Variants in ATP10B observed in about 807,000 individuals in gnomAD.
ATP10B encodes phospholipid-transporting ATPase VB.
A neutral mutation model predicts 141.2 loss-of-function variants in ATP10B; 122 were observed. That is an observed-to-expected ratio of 0.86 (90% CI 0.75 to 1.00). The LOEUF (loss-of-function observed/expected upper bound fraction) is 1.00. Ranked by LOEUF, ATP10B falls within the 50% of genes least tolerant of loss-of-function variation. The pLI is 0.00. For synonymous variants in ATP10B, 685 were observed against 692.0 expected, an observed-to-expected ratio of 0.99 and a Z score of 0.16; for missense variants, 1,876 against 1,825.3, an observed-to-expected ratio of 1.03 and a Z score of -0.51.
intron 10 of ATP10B, among the ~76,000 whole-genome samples, chr5:160,638,422 A>C (rs1218215740): frequency 6.6e-6 from 1 of 152,144 alleles, no homozygotes; most frequent in East Asian, 1.9e-4. Context: ...CTGAAGCAGA[A>C]ACAACAGTTC....
At chr5:160,694,160 T>C (rs190148690) in intron 3 of ATP10B, among the ~76,000 whole-genome samples, 1 of 152,306 alleles carries the variant, frequency 6.6e-6, no homozygotes, top group African/African-American at 2.4e-5. Context: ...GAGGCAGCTC[T>C]TTGACCCACT....
Position 160,748,698 on chromosome 5 carries a change from T to TC in ATP10B, c.-330-31665dup, listed in dbSNP as rs1767964737. 2.0e-5 allele frequency among the ~76,000 whole-genome samples: 3 copies of TC among 152,202 alleles called. No homozygotes were observed. The East Asian group carries it at 5.8e-4, about 29-fold the overall frequency. Reference sequence around the variant, plus strand: ...GCTAGAGTCACAGGCAGGATTTTTTTCCAATCCTCTGTGATGTTAATTGGT... The same window carrying TC: ...GCTAGAGTCACAGGCAGGATTTTTTTCCCAATCCTCTGTGATGTTAATTGGT... On this transcript the variant is annotated intron_variant, in intron 2 of 25. Transcript: ENST00000327245.
the ATP10B span, among the ~76,000 whole-genome samples, chr5:160,895,349 G>T: frequency 6.6e-6 from 1 of 151,956 alleles, no homozygotes; most frequent in African/African-American, 2.4e-5. Context: ...AAATAAAGGG[G>T]TGGAGAAATA....
At chr5:160,910,714 G>A in the ATP10B span, among the ~76,000 whole-genome samples, 1 of 152,196 alleles carries the variant, frequency 6.6e-6, no homozygotes, top group Non-Finnish European at 1.5e-5. Context: ...TATATTTAAT[G>A]TGCTTACAAA....
In ATP10B at chr5:160,622,467, A is replaced by G. The variant is rs1182431221; in HGVS notation, c.1739T>C (p.Ile580Thr). Residue 580 changes from isoleucine (I) to threonine (T), a missense_variant, in exon 14 of 26, where the codon ATT becomes ACT. By Grantham distance (89) the Ile-to-Thr change is moderately conservative. Coordinates refer to ENST00000327245, the MANE Select transcript of ATP10B (RefSeq NM_025153.3). The part of the protein sequence containing the change: ...AKASLSTTSS[I>T]ADFFLALTIC... ...GGTTAAGGCAAGGAAGAAATCAGCA[A>G]TGGAGGAGGTGGTGGAGAGGGAAGC... 1.9e-6 allele frequency: 3 copies of G among 1,614,066 alleles called. No homozygotes were observed. The Admixed American group carries it at 5.0e-5, about 27-fold the overall frequency.
chr5:160,565,583 G>A lies in ATP10B; in HGVS notation c.4256C>T (p.Ala1419Val). 6.2e-7 allele frequency: 1 copy of A among 1,614,140 alleles called. No individual in the cohort carries two copies. ...CAGGTGCTCCCCGGATGAGAGTTGA[G>A]CTGAGGAGTCCCCTGAGCATGAGTC... ...RDDSCSGDSS[A>V]QLSSGEHLLG... The change falls in exon 26 of 26, where the codon GCT (alanine) becomes GTT (valine). Residue 1419 changes from alanine to valine, a missense_variant. Physicochemically the swap from Ala to Val is moderately conservative, Grantham distance 64 (BLOSUM62 0). Transcript: ENST00000327245.
the ATP10B span, among the ~76,000 whole-genome samples, chr5:160,924,315 G>T: frequency 6.6e-6 from 1 of 152,310 alleles, no homozygotes; most frequent in South Asian, 2.1e-4. Flanking sequence ...CTTCAGCTGG[G>T]TGCCCCTGGG....
chr5:160,878,692 C>G, the ATP10B span, among the ~76,000 whole-genome samples: 2 of 152,170 alleles, frequency 1.3e-5, no homozygotes, highest in Middle Eastern at 3.4e-3. Flanking sequence ...TTTACAAGAA[C>G]AAAACAAACA....
chr5:160,615,366 A>G (rs1411597270), intron 17 of ATP10B, among the ~76,000 whole-genome samples: 1 of 148,984 alleles, frequency 6.7e-6, no homozygotes, highest in Non-Finnish European at 1.5e-5. Flanking sequence ...GGCATCTCCT[A>G]CTTTTTGTGC....
At chr5:160,697,762 G>A (rs1764456122) in intron 3 of ATP10B, among the ~76,000 whole-genome samples, 1 of 152,078 alleles carries the variant, frequency 6.6e-6, no homozygotes, top group African/African-American at 2.4e-5. Flanking sequence ...CTATAGAATG[G>A]GCCTTTGTGG....
At chr5:160,915,511 T>A in the ATP10B span, among the ~76,000 whole-genome samples, 1 of 152,158 alleles carries the variant, frequency 6.6e-6, no homozygotes, top group African/African-American at 2.4e-5. Flanking sequence ...TTTGTATTTT[T>A]AGCAGAGATG....
At chr5:160,766,485 C>T (rs1480653069) in intron 2 of ATP10B, among the ~76,000 whole-genome samples, 3 of 151,978 alleles carry the variant, frequency 2.0e-5, no homozygotes, top group Admixed American at 1.3e-4. Context: ...AAGTAGGTAA[C>T]TCGGTAATGG....
the ATP10B span, among the ~76,000 whole-genome samples, chr5:160,927,811 T>C: frequency 6.6e-6 from 1 of 152,180 alleles, no homozygotes; most frequent in Non-Finnish European, 1.5e-5. Flanking sequence ...GAATTTCAGA[T>C]TGTGATAGGC....
chr5:160,565,697 G>A lies in ATP10B; in HGVS notation c.4142C>T (p.Thr1381Ile). ...SITGQDFSAS[T>I]PKSSNPPKRK... is the part of the protein sequence containing the mutation. Reference sequence around the variant, plus strand: ...CTTGGGAGGGTTAGAGCTCTTTGGGGTGCTGGCACTGAAGTCCTGTCCTGT... The same window carrying A: ...CTTGGGAGGGTTAGAGCTCTTTGGGATGCTGGCACTGAAGTCCTGTCCTGT... The change falls in exon 26 of 26, where the codon ACC becomes ATC. Residue 1381 changes from threonine to isoleucine, a missense_variant. Coordinates refer to ENST00000327245, the MANE Select transcript of ATP10B (RefSeq NM_025153.3). The A allele has an allele frequency of 6.2e-7, 1 of 1,614,088 alleles. No individual in the cohort carries two copies. The highest frequency in any genetic ancestry group is 8.5e-7 in the Non-Finnish European group (1 of 1,179,976).
At chr5:160,725,924 A>G (rs11742097) in intron 2 of ATP10B, among the ~76,000 whole-genome samples, 128,244 of 152,110 alleles carry the variant, frequency 0.84, 54,204 homozygotes, top group East Asian at 0.9. Flanking sequence ...TTTGATTATA[A>G]TTCTGTAGAG....
intron 9 of ATP10B, among the ~76,000 whole-genome samples, chr5:160,642,467 G>A (rs1759941642): frequency 6.6e-6 from 1 of 152,154 alleles, no homozygotes; most frequent in Admixed American, 6.5e-5. Context: ...CTCACCAGGA[G>A]TGATTTTACT....
At chr5:160,872,993 A>AC in the ATP10B span, among the ~76,000 whole-genome samples, 2 of 152,006 alleles carry the variant, frequency 1.3e-5, no homozygotes, top group Admixed American at 1.3e-4. Flanking sequence ...TATTGGTTCT[A>AC]CCCATCCATG....
At chr5:160,754,824 C>T (rs1429655095) in intron 2 of ATP10B, among the ~76,000 whole-genome samples, 1 of 152,114 alleles carries the variant, frequency 6.6e-6, no homozygotes, top group Non-Finnish European at 1.5e-5. Context: ...ACACAGATGC[C>T]ACAGCCCTTC....
chr5:160,588,754 T>C (rs971833838), intron 24 of ATP10B, among the ~76,000 whole-genome samples: 1 of 152,196 alleles, frequency 6.6e-6, no homozygotes, highest in African/African-American at 2.4e-5. Flanking sequence ...GCTAATCATG[T>C]AGAGAGACAC....
Sources: allele counts gnomAD v4.1 joint callset (sites outside exome capture counted in the v4.1 genomes callset), GRCh38; gene constraint gnomAD v4.1.1; transcripts MANE v1.5; gene names NCBI Gene and HGNC (gene_info 2026-07-23, HGNC 2026-07-21).